The following CUX2 variants were observed in gnomAD, a reference collection of about 807,000 sequenced individuals.
The protein encoded by CUX2 is cut like homeobox 2, also known as homeobox protein cut-like 2.
In CUX2, 40 loss-of-function variants were observed where a neutral mutation model predicts 144.8. The ratio of observed to expected loss-of-function variants is 0.28; its 90% CI spans 0.21 to 0.36. The LOEUF is 0.36. CUX2 is among the 10% of genes least tolerant of loss of function. CUX2 has a pLI of 1.00. For synonymous variants in CUX2, 827 were observed against 875.6 expected, an observed-to-expected ratio of 0.94 and a Z score of 0.98; for missense variants, 1,615 against 1,994.0, an observed-to-expected ratio of 0.81 and a Z score of 3.62.
intron 1 of CUX2, among the ~76,000 whole-genome samples, chr12:111,129,203 A>G (rs1354097677): frequency 6.6e-6 from 1 of 152,252 alleles, no homozygotes; most frequent in Non-Finnish European, 1.5e-5. Context: ...TCTTACCAAT[A>G]AGTCTAGGAT....
rs147389725 is a variant in CUX2, at chr12:111,322,321, CAAAAAAAA to C, written c.2767-84_2767-77del. 495 of 761,284 alleles carry C rather than the reference CAAAAAAAA, an allele frequency of 6.5e-4. No homozygotes were observed. Among genetic ancestry groups the C allele is most frequent in the East Asian group, 4.2e-3 (128 of 30,580 alleles). 47.2% of individuals were successfully genotyped at this position (761,284 alleles called of 1,614,324 possible). A position where few individuals can be genotyped will look rare whatever the true frequency, so the allele number is the denominator to read the frequency against. On this transcript the variant is annotated intron_variant, in intron 17 of 21. Coordinates refer to ENST00000261726, the MANE Select transcript of CUX2 (RefSeq NM_015267.4). The surrounding 1 kb of genome is among the most constrained non-coding windows in gnomAD (Gnocchi z 4.2). Reference sequence around the variant, plus strand: ...CGACAGACAAAGCGAGACTCTGCCTCAAAAAAAAAAAAAAAAAAAAAAAGGTTGGGGAG... The same window carrying C: ...CGACAGACAAAGCGAGACTCTGCCTCAAAAAAAAAAAAAAAGGTTGGGGAG...
chr12:111,233,333 C>T (rs946627194), intron 3 of CUX2, among the ~76,000 whole-genome samples: 16 of 152,164 alleles, frequency 1.1e-4, no homozygotes, highest in Admixed American at 2.6e-4. Context: ...TATTCTCCCT[C>T]CTGGCCCTGG....
chr12:111,085,253 C>T (rs1017846521), intron 1 of CUX2, among the ~76,000 whole-genome samples: 1 of 152,178 alleles, frequency 6.6e-6, no homozygotes, highest in Non-Finnish European at 1.5e-5. Context: ...CAGTGACATT[C>T]CATGGGCAGC....
intron 20 of CUX2, among the ~76,000 whole-genome samples, chr12:111,341,030 G>A (rs763717216): frequency 3.8e-4 from 58 of 152,150 alleles, no homozygotes; most frequent in Admixed American, 2.4e-3. Flanking sequence ...GCTGGCGAGC[G>A]TACCCTTTCT....
chr12:111,214,680 ACT>A (rs1881433041), intron 2 of CUX2, among the ~76,000 whole-genome samples: 1 of 147,994 alleles, frequency 6.8e-6, no homozygotes, highest in African/African-American at 2.5e-5. Context: ...ACAGCCGTCG[ACT>A]CTCTAACACC....
chr12:111,183,556 C>T (rs1476994892), intron 1 of CUX2, among the ~76,000 whole-genome samples: 1 of 152,234 alleles, frequency 6.6e-6, no homozygotes, highest in Non-Finnish European at 1.5e-5. Flanking sequence ...GGGGGTTAAA[C>T]GCTCAAACCC....
rs1878995397 is a variant in CUX2, at chr12:111,178,738, T to G, written c.64-35462T>G. Among the ~76,000 whole-genome samples the G allele has an allele frequency of 6.6e-6, 1 of 152,172 alleles. No homozygotes were observed. The highest frequency in any genetic ancestry group is 1.5e-5 in the Non-Finnish European group (1 of 68,040). On this transcript the variant is annotated intron_variant, in intron 1 of 21. Coordinates refer to ENST00000261726, the MANE Select transcript of CUX2 (RefSeq NM_015267.4). This position sits in a 1 kb window ranked among gnomAD's most constrained non-coding sequence, Gnocchi z 5.7. ...ATGAGGGAGATGGACATTTATGGGATGGCCGTTTGGAATGAAGTCCAATGA... is the reference window on the plus strand; with the variant it reads ...ATGAGGGAGATGGACATTTATGGGAGGGCCGTTTGGAATGAAGTCCAATGA...
chr12:111,098,394 C>T (rs530095381), intron 1 of CUX2, among the ~76,000 whole-genome samples: 9 of 146,790 alleles, frequency 6.1e-5, no homozygotes, highest in Admixed American at 3.4e-4. Context: ...AGCGAGACTT[C>T]GTCTCAAAAA....
At chr12:111,154,576 G>T (rs2157876) in intron 1 of CUX2, among the ~76,000 whole-genome samples, 12,919 of 152,196 alleles carry the variant, frequency 0.085, 1,180 homozygotes, top group East Asian at 0.5. Flanking sequence ...AGGCAAGTCG[G>T]CACGTCATAA....
chr12:111,058,346 T>C (rs1272354007), intron 1 of CUX2, among the ~76,000 whole-genome samples: 1 of 152,254 alleles, frequency 6.6e-6, no homozygotes, highest in African/African-American at 2.4e-5. Context: ...TTAAAAATTG[T>C]CTGATTGTAC....
intron 1 of CUX2, among the ~76,000 whole-genome samples, chr12:111,106,053 TGG>T (rs1873586844): frequency 6.6e-6 from 1 of 152,008 alleles, no homozygotes; most frequent in Non-Finnish European, 1.5e-5. Context: ...TTAGTAGACA[TGG>T]GGTCTTGCTG....
At chr12:111,267,195 CAAAAAAAAA>C (rs11290695) in intron 4 of CUX2, among the ~76,000 whole-genome samples, 22 of 66,368 alleles carry the variant, frequency 3.3e-4, no homozygotes, top group African/African-American at 9.2e-4. Context: ...AAGACCCTGT[CAAAAAAAAA>C]AAAAAAAAAA....
At position 111,304,121 on chromosome 12, in the gene CUX2, C is replaced by A; in HGVS notation, c.754-89C>A. The A allele has an allele frequency of 9.1e-7, 1 of 1,102,702 alleles. No homozygotes were observed. The highest frequency in any genetic ancestry group is 1.3e-6 in the Non-Finnish European group (1 of 749,288). The allele number at this position is 1,102,702 out of a possible 1,614,324, so 68.3% of individuals were successfully genotyped here. ...GGACCTGAGGCCCTCGGAGGTCTGCCTCCCCAACCCCTGCCTGAAACAGTG... is the reference window on the plus strand; with the variant it reads ...GGACCTGAGGCCCTCGGAGGTCTGCATCCCCAACCCCTGCCTGAAACAGTG... On this transcript the variant is annotated intron_variant, in intron 9 of 21. Coordinates refer to ENST00000261726, the MANE Select transcript of CUX2 (RefSeq NM_015267.4). This position sits in a 1 kb window ranked among gnomAD's most constrained non-coding sequence, Gnocchi z 4.7.
rs964242289 is a variant in CUX2, at chr12:111,160,405, G to A, written c.64-53795G>A. 3.3e-5 allele frequency among the ~76,000 whole-genome samples: 5 copies of A among 152,210 alleles called. No individual in the cohort carries two copies. The highest frequency in any genetic ancestry group is 3.4e-3 in the Middle Eastern group (1 of 292). On this transcript the variant is annotated intron_variant, in intron 1 of 21. Coordinates refer to ENST00000261726, the MANE Select transcript of CUX2 (RefSeq NM_015267.4). The surrounding 1 kb of genome is among the most constrained non-coding windows in gnomAD (Gnocchi z 4.1). ...TGTGTGCGGGCATCTGGGCGTATTC[G>A]GGACGTGTGTGTAGTGCAGGGTGTG...
chr12:111,090,983 TC>T (rs1451075659), intron 1 of CUX2, among the ~76,000 whole-genome samples: 1 of 152,194 alleles, frequency 6.6e-6, no homozygotes, highest in Non-Finnish European at 1.5e-5. Context: ...TGTGTGCTTC[TC>T]CTTGATCTTC....
intron 20 of CUX2, 103 bp downstream of exon 20, chr12:111,338,577 T>C (rs1888452999): frequency 1.8e-6 from 2 of 1,121,154 alleles, no homozygotes; most frequent in Admixed American, 2.5e-5. Context: ...CATGGTCCAG[T>C]CTCAGCCTAC....
intron 1 of CUX2, among the ~76,000 whole-genome samples, chr12:111,201,602 G>A (rs912818940): frequency 6.6e-6 from 1 of 152,240 alleles, no homozygotes; most frequent in Middle Eastern, 3.4e-3. Context: ...CCTCCCCAGA[G>A]CCCAAGGCTC....
intron 9 of CUX2, among the ~76,000 whole-genome samples, chr12:111,299,411 C>T (rs1229794045): frequency 2.0e-5 from 3 of 152,148 alleles, no homozygotes; most frequent in African/African-American, 7.2e-5. Flanking sequence ...TCTTTGGGCG[C>T]AGGGTGGGGG....
At chr12:111,300,388 T>C (rs1232460252) in intron 9 of CUX2, among the ~76,000 whole-genome samples, 2 of 152,206 alleles carry the variant, frequency 1.3e-5, no homozygotes, top group Non-Finnish European at 2.9e-5. Context: ...CCCAAAGCAC[T>C]GGGATTAGAG....
Sources: allele counts gnomAD v4.1 joint callset (sites outside exome capture counted in the v4.1 genomes callset), GRCh38; gene constraint gnomAD v4.1.1; non-coding constraint Gnocchi (gnomAD v3.1); transcripts MANE v1.5; gene names NCBI Gene and HGNC (gene_info 2026-07-23, HGNC 2026-07-21).